Variants in SAMD3 observed in about 807,000 individuals in gnomAD.
SAMD3 encodes sterile alpha motif domain containing 3.
A neutral mutation model predicts 58.5 loss-of-function variants in SAMD3; 63 were observed. The ratio of observed to expected loss-of-function variants is 1.08; its 90% confidence interval spans 0.88 to 1.33. The LOEUF is 1.33. SAMD3 is among the 40% of genes most tolerant of loss of function. SAMD3 has a pLI of 0.00. For synonymous variants in SAMD3, 220 were observed against 210.3 expected, an observed-to-expected ratio of 1.05 and a Z score of -0.40; for missense variants, 604 against 608.4, an observed-to-expected ratio of 0.99 and a Z score of 0.08.
chr6:130,298,065 C>T (rs1195155086), intron 2 of SAMD3, among the ~76,000 whole-genome samples: 1 of 152,094 alleles, frequency 6.6e-6, no homozygotes, highest in African/African-American at 2.4e-5. Flanking sequence ...TATGACCATT[C>T]CTGAGGTACA....
intron 1 of SAMD3, among the ~76,000 whole-genome samples, chr6:130,349,795 T>C (rs1416848170): frequency 6.6e-6 from 1 of 152,196 alleles, no homozygotes; most frequent in Admixed American, 6.6e-5. Context: ...CCAATATCCT[T>C]GATGAACATC....
At chr6:130,266,098 C>T (rs369594223) in intron 2 of SAMD3, among the ~76,000 whole-genome samples, 31 of 152,076 alleles carry the variant, frequency 2.0e-4, no homozygotes, top group African/African-American at 4.6e-4. Context: ...AAAAGGGGAA[C>T]GTGTAACCCT....
intron 8 of SAMD3, 91 bp downstream of exon 8, chr6:130,175,750 G>T: frequency 1.2e-6 from 1 of 866,012 alleles, no homozygotes; most frequent in Non-Finnish European, 1.7e-6. Flanking sequence ...ATCTTATTTT[G>T]TTTTAATTAT....
At chr6:130,301,626 G>A (rs1775751829) in intron 2 of SAMD3, among the ~76,000 whole-genome samples, 1 of 152,068 alleles carries the variant, frequency 6.6e-6, no homozygotes, top group Non-Finnish European at 1.5e-5. Context: ...AATAGCCAAA[G>A]CAATCCTCAG....
At chr6:130,221,010 C>T (rs543993198) in intron 1 of SAMD3, among the ~76,000 whole-genome samples, 34 of 152,250 alleles carry the variant, frequency 2.2e-4, no homozygotes, top group East Asian at 5.8e-4. Flanking sequence ...CCCACCACCA[C>T]GCCCAGCTAA....
intron 2 of SAMD3, among the ~76,000 whole-genome samples, chr6:130,274,243 T>C (rs1372360291): frequency 6.6e-6 from 1 of 152,162 alleles, no homozygotes; most frequent in African/African-American, 2.4e-5. Flanking sequence ...TGATAAGAAA[T>C]CCACTGATAG....
At position 130,157,291 on chromosome 6, in the gene SAMD3, A is replaced by G. The variant is rs1789879470; in HGVS notation, c.823-2266T>C. Reference sequence around the variant, plus strand: ...AAAGAAAAAAACTTTTGTCAAAATAAGAGAAATTTTCAAAACCTATAAAGT... The same window carrying G: ...AAAGAAAAAAACTTTTGTCAAAATAGGAGAAATTTTCAAAACCTATAAAGT... On this transcript the variant is annotated intron_variant, in intron 8 of 11. Coordinates refer to ENST00000439090, the MANE Select transcript of SAMD3 (RefSeq NM_001017373.4). Among the ~76,000 whole-genome samples, 7 of 152,104 alleles carry G rather than the reference A, an allele frequency of 4.6e-5. No individual in the cohort carries two copies. In the South Asian group the frequency reaches 1.5e-3, roughly 32 times the overall value.
At chr6:130,153,393 AT>A (rs2114577351) in intron 9 of SAMD3, among the ~76,000 whole-genome samples, 1 of 152,196 alleles carries the variant, frequency 6.6e-6, no homozygotes, top group Non-Finnish European at 1.5e-5. Flanking sequence ...TTTGCTACTT[AT>A]GTTTCTATTA....
chr6:130,295,000 C>T (rs535672660), intron 2 of SAMD3, among the ~76,000 whole-genome samples: 13 of 143,834 alleles, frequency 9.0e-5, no homozygotes, highest in African/African-American at 2.8e-4. Context: ...CTCACCTTTC[C>T]GCAACCTCTG....
intron 5 of SAMD3, among the ~76,000 whole-genome samples, chr6:130,204,618 C>T (rs576661791): frequency 5.4e-5 from 8 of 147,818 alleles, no homozygotes; most frequent in South Asian, 2.1e-4. Context: ...AAAAAAAGCA[C>T]GGTATCTGCT....
intron 7 of SAMD3, among the ~76,000 whole-genome samples, chr6:130,180,037 A>T (rs1369965130): frequency 3.4e-5 from 5 of 148,842 alleles, no homozygotes; most frequent in Admixed American, 6.7e-5. Flanking sequence ...ATGGTCTTGA[A>T]CTCCTGACCT....
chr6:130,339,714 T>TCTCCTTTCTAA (rs2115022003), intron 1 of SAMD3, among the ~76,000 whole-genome samples: 1 of 152,346 alleles, frequency 6.6e-6, no homozygotes, highest in South Asian at 2.1e-4. Context: ...TTTTCCTCTT[T>TCTCCTTTCTAA]ATTCCATGCT....
In SAMD3 at chr6:130,144,528, G is replaced by C. The variant is rs909025791; in HGVS notation, c.1555C>G (p.Leu519Val). The C allele has an allele frequency of 6.2e-7, 1 of 1,613,666 alleles. No individual in the cohort carries two copies. The highest frequency in any genetic ancestry group is 1.3e-5 in the African/African-American group (1 of 74,886). The change falls in exon 12 of 12, where the codon CTC becomes GTC. Residue 519 changes from leucine (L) to valine (V), a missense_variant. Physicochemically the swap from Leu to Val is conservative, Grantham distance 32. Transcript: ENST00000439090. ...CAATATTTGGCATGCTATTAAGTGA[G>C]TGGGTGCTGAAATCCTACTTCGTTT... ...KENEVGFQHP[L>V]T
At chr6:130,323,281 C>G (rs556651866) in intron 1 of SAMD3, among the ~76,000 whole-genome samples, 11 of 152,278 alleles carry the variant, frequency 7.2e-5, no homozygotes, top group Admixed American at 2.6e-4. Flanking sequence ...CAGATCCCTA[C>G]TTCCTCTTTA....
chr6:130,252,303 A>C (rs1249506538), intron 2 of SAMD3, among the ~76,000 whole-genome samples: 1 of 152,110 alleles, frequency 6.6e-6, no homozygotes, highest in African/African-American at 2.4e-5. Context: ...ATCTAAAGTG[A>C]GTCTTGTATA....
At chr6:130,235,295 T>C (rs1292333533) in intron 2 of SAMD3, among the ~76,000 whole-genome samples, 1 of 152,218 alleles carries the variant, frequency 6.6e-6, no homozygotes, top group East Asian at 1.9e-4. Context: ...ATCATTCAAC[T>C]CTAAGGTAAA....
chr6:130,300,393 T>TA (rs34482387), intron 2 of SAMD3, among the ~76,000 whole-genome samples: 25,640 of 152,060 alleles, frequency 0.17, 2,419 homozygotes, highest in East Asian at 0.36. Context: ...AAGCATTTGA[T>TA]AAAAAAATCC....
chr6:130,364,414 T>C (rs1018082213), intron 1 of SAMD3, among the ~76,000 whole-genome samples: 9 of 152,104 alleles, frequency 5.9e-5, no homozygotes, highest in African/African-American at 2.2e-4. Context: ...TATTACTCAC[T>C]CCTTAGATAG....
intron 2 of SAMD3, among the ~76,000 whole-genome samples, chr6:130,306,069 T>A (rs1049042900): frequency 6.6e-6 from 1 of 152,166 alleles, no homozygotes; most frequent in African/African-American, 2.4e-5. Context: ...ATCCCACTGA[T>A]CTAGTTACCT....
Sources: gnomAD v4.1 joint callset for allele counts (sites outside exome capture counted in the v4.1 genomes callset) on GRCh38, gnomAD v4.1.1 for gene constraint, MANE v1.5 for transcripts, NCBI Gene and HGNC (gene_info 2026-07-23, HGNC 2026-07-21) for gene names.